The following STAG1 variants were observed in gnomAD, a reference collection of about 807,000 sequenced individuals.
The protein encoded by STAG1 is STAG1 cohesin complex component.
Under a neutral mutation model 170.9 loss-of-function variants are expected in STAG1, and 26 were observed. That is an observed-to-expected ratio of 0.15 (90% confidence interval 0.11 to 0.21). STAG1 has a LOEUF of 0.21. Ranked by LOEUF, STAG1 falls within the 10% of genes least tolerant of loss-of-function variation. The pLI is 1.00. For missense variants in STAG1, 964 were observed against 1,509.5 expected (o/e 0.64, Z 5.99); for synonymous variants, 514 against 497.7 (o/e 1.03, Z -0.44).
In STAG1 at chr3:136,665,687, G is replaced by A. The variant is rs186818119; in HGVS notation, c.-83-34706C>T. Among the ~76,000 whole-genome samples the A allele has an allele frequency of 9.4e-4, 143 of 151,732 alleles. 1 individual carries two copies. The highest frequency in any genetic ancestry group is 3.4e-3 in the African/African-American group (140 of 41,338). ...CCCAGCTACTGGGGAGGCTGAGGCAGGAGAATGGTGTGAACCCAGGAGGCA... is the reference window on the plus strand; with the variant it reads ...CCCAGCTACTGGGGAGGCTGAGGCAAGAGAATGGTGTGAACCCAGGAGGCA... On this transcript the variant is annotated intron_variant, in intron 1 of 33. Transcript: ENST00000383202.
rs551024631 is a variant in STAG1, at chr3:136,337,509, G to C, written c.*745C>G. ...TGAATCTCCCTAGTCTATATAAAAT[G>C]AACGGTGTACAGCATCTGTTGGAAA... On this transcript the variant is annotated 3_prime_UTR_variant, in exon 34 of 34. Coordinates refer to ENST00000383202, the MANE Select transcript of STAG1 (RefSeq NM_005862.3). 2.6e-5 allele frequency: 4 copies of C among 152,712 alleles called. No homozygotes were observed. The highest frequency in any genetic ancestry group is 6.5e-5 in the Admixed American group (1 of 15,304). 9.5% of individuals were successfully genotyped at this position (152,712 alleles called of 1,614,324 possible).
chr3:136,438,128 T>C (rs1317180035), intron 15 of STAG1, among the ~76,000 whole-genome samples: 2 of 152,206 alleles, frequency 1.3e-5, no homozygotes, highest in Non-Finnish European at 2.9e-5. Context: ...TTGCATCTCC[T>C]AGAACATAAC....
At chr3:136,362,309 T>C (rs896933512) in intron 26 of STAG1, among the ~76,000 whole-genome samples, 2 of 152,052 alleles carry the variant, frequency 1.3e-5, no homozygotes, top group African/African-American at 4.8e-5. Context: ...CTTGGAAAAG[T>C]GCCTTTTTCA....
intron 5 of STAG1, among the ~76,000 whole-genome samples, chr3:136,554,892 T>A (rs1204549198): frequency 6.6e-6 from 1 of 150,378 alleles, no homozygotes; most frequent in Non-Finnish European, 1.5e-5. Context: ...TCTCAAAAAA[T>A]AACCGAAAAA....
intron 6 of STAG1, among the ~76,000 whole-genome samples, chr3:136,530,308 C>T (rs1935308125): frequency 6.6e-6 from 1 of 152,160 alleles, no homozygotes; most frequent in African/African-American, 2.4e-5. Context: ...AGCATTCGAT[C>T]ATCTAGACAG....
intron 20 of STAG1, among the ~76,000 whole-genome samples, chr3:136,419,224 A>T (rs2087873087): frequency 6.9e-6 from 1 of 144,718 alleles, no homozygotes; most frequent in Admixed American, 6.8e-5. Context: ...AAAAAATAAA[A>T]GTTTGCTTTT....
chr3:136,495,526 A>G (rs1199787373), intron 9 of STAG1, among the ~76,000 whole-genome samples: 5 of 152,162 alleles, frequency 3.3e-5, no homozygotes, highest in African/African-American at 7.2e-5. Context: ...ACTTATATCA[A>G]GAATATCAGC....
rs752897540 is a variant in STAG1 at position 136,500,197 on chromosome 3, T to G, written c.902+26A>C. ...CAATAATTGTTTAAGTGAAAAGCCT[T>G]CAAAATTATTTTTAAAATCTCTTAC... On this transcript the variant is annotated intron_variant, in intron 9 of 33. Coordinates refer to ENST00000383202, the MANE Select transcript of STAG1 (RefSeq NM_005862.3). 9 of 1,422,032 alleles carry G rather than the reference T, an allele frequency of 6.3e-6. 1 individual carries two copies. The Admixed American group carries it at 7.6e-5, about 12-fold the overall frequency. 88.1% of individuals were successfully genotyped at this position (1,422,032 alleles called of 1,614,324 possible).
chr3:136,536,494 A>G (rs1334225388), intron 6 of STAG1, among the ~76,000 whole-genome samples: 1 of 152,064 alleles, frequency 6.6e-6, no homozygotes, highest in Non-Finnish European at 1.5e-5. Context: ...TGAGACCAGG[A>G]GTTCGAGACC....
chr3:136,464,214 G>A (rs1576492884), intron 13 of STAG1, among the ~76,000 whole-genome samples: 1 of 151,724 alleles, frequency 6.6e-6, no homozygotes, highest in African/African-American at 2.4e-5. Flanking sequence ...ACCTGAGGTC[G>A]GGAGTTCGAC....
intron 2 of STAG1, among the ~76,000 whole-genome samples, chr3:136,626,963 T>C (rs1276136974): frequency 6.6e-6 from 1 of 152,214 alleles, no homozygotes; most frequent in Non-Finnish European, 1.5e-5. Context: ...TTATCTTGTG[T>C]GGACAAAATC....
intron 1 of STAG1, among the ~76,000 whole-genome samples, chr3:136,724,268 T>C (rs2107933391): frequency 6.6e-6 from 1 of 152,204 alleles, no homozygotes; most frequent in African/African-American, 2.4e-5. Context: ...AAGAAAAATT[T>C]TTCTGCCTTG....
At chr3:136,731,909 A>G (rs1434750270) in intron 1 of STAG1, among the ~76,000 whole-genome samples, 2 of 152,186 alleles carry the variant, frequency 1.3e-5, no homozygotes, top group African/African-American at 4.8e-5. Context: ...CAATAAACAG[A>G]CGGGAGGTGT....
intron 5 of STAG1, among the ~76,000 whole-genome samples, chr3:136,562,822 A>T (rs955278103): frequency 6.6e-6 from 1 of 152,142 alleles, no homozygotes; most frequent in Non-Finnish European, 1.5e-5. Context: ...TCCTGACCTC[A>T]GGTGATCTGC....
chr3:136,473,583 T>G lies in STAG1; in HGVS notation c.1081A>C (p.Arg361=). The change falls in exon 11 of 34, where the codon AGA becomes CGA. Residue 361 remains arginine (R), a synonymous_variant. Transcript: ENST00000383202. ...LKALQSLYTN[R]ELFPKLELFT... ...AGTTCCAATTTGGGGAATAATTCTCTATTGGTATATAGACTCTGCAGAGCT... is the reference window on the plus strand; with the variant it reads ...AGTTCCAATTTGGGGAATAATTCTCGATTGGTATATAGACTCTGCAGAGCT... 1 of 1,612,728 alleles carries G rather than the reference T, an allele frequency of 6.2e-7. No individual in the cohort carries two copies.
At chr3:136,713,742 G>A (rs1161162281) in intron 1 of STAG1, among the ~76,000 whole-genome samples, 2 of 151,928 alleles carry the variant, frequency 1.3e-5, no homozygotes, top group Non-Finnish European at 1.5e-5. Context: ...TTATAACTTG[G>A]CTGGGCGCTG....
chr3:136,586,356 G>T (rs145383053), intron 4 of STAG1, among the ~76,000 whole-genome samples: 6 of 152,044 alleles, frequency 3.9e-5, no homozygotes, highest in South Asian at 2.1e-4. Flanking sequence ...TATATATATA[G>T]GGATAAAGCC....
intron 5 of STAG1, among the ~76,000 whole-genome samples, chr3:136,562,521 G>A (rs980724567): frequency 6.6e-6 from 1 of 151,350 alleles, no homozygotes; most frequent in Admixed American, 6.6e-5. Context: ...GAAATTCTAA[G>A]ATCATGCACT....
chr3:136,518,107 T>C (rs1210768332), intron 7 of STAG1: 2 of 344,152 alleles, frequency 5.8e-6, no homozygotes, highest in Non-Finnish European at 1.0e-5. Flanking sequence ...GCATAAACAC[T>C]GACAACAGGG....
Sources: allele counts gnomAD v4.1 joint callset (sites outside exome capture counted in the v4.1 genomes callset), GRCh38; gene constraint gnomAD v4.1.1; transcripts MANE v1.5; gene names NCBI Gene and HGNC (gene_info 2026-07-23, HGNC 2026-07-21).